RNF130: variants seen among roughly 807,000 people sequenced by gnomAD.
RNF130 encodes E3 ubiquitin-protein ligase RNF130.
Under a neutral mutation model 44.6 loss-of-function variants are expected in RNF130, and 21 were observed. The observed-to-expected ratio is 0.47, with a 90% CI of 0.33 to 0.68. The LOEUF (loss-of-function observed/expected upper bound fraction) is 0.68, where lower values mean the gene tolerates loss of function less well. Among genes scored for constraint, RNF130 ranks in the 30% least tolerant of loss-of-function variants. The pLI is 0.02. For missense variants in RNF130, 479 were observed against 560.6 expected (o/e 0.85, Z 1.47); for synonymous variants, 214 against 210.4 (o/e 1.02, Z -0.15).
intron 7 of RNF130, among the ~76,000 whole-genome samples, chr5:179,943,032 TAA>T (rs892914025): frequency 2.6e-5 from 4 of 152,116 alleles, no homozygotes; most frequent in African/African-American, 9.7e-5. Flanking sequence ...CCGTCTCTAC[TAA>T]AAACACAAAA....
chr5:179,994,582 A>G (rs753105910), intron 3 of RNF130, among the ~76,000 whole-genome samples: 6 of 152,112 alleles, frequency 3.9e-5, no homozygotes, highest in Non-Finnish European at 7.4e-5. Context: ...AGTAGCAAAT[A>G]TTCTAGGATT....
intron 2 of RNF130, among the ~76,000 whole-genome samples, chr5:180,016,024 C>A (rs973504590): frequency 7.9e-5 from 12 of 152,156 alleles, no homozygotes; most frequent in African/African-American, 2.7e-4. Context: ...AAAGGGGGAA[C>A]CTTTTGGACT....
At chr5:179,999,954 T>C (rs1763296921) in intron 3 of RNF130, among the ~76,000 whole-genome samples, 1 of 152,200 alleles carries the variant, frequency 6.6e-6, no homozygotes, top group Admixed American at 6.5e-5. Context: ...TTGTTTATCA[T>C]TAAGGTTTGG....
chr5:180,032,902 A>AT (rs908359357), intron 2 of RNF130, among the ~76,000 whole-genome samples: 1 of 152,184 alleles, frequency 6.6e-6, no homozygotes, highest in African/African-American at 2.4e-5. Flanking sequence ...TTATATATCC[A>AT]TTTTAAGATA....
chr5:179,969,301 T>C (rs1762529818), intron 6 of RNF130, among the ~76,000 whole-genome samples: 1 of 151,972 alleles, frequency 6.6e-6, no homozygotes, highest in African/African-American at 2.4e-5. Flanking sequence ...CCTGCCAGGC[T>C]GTGGTTGTCA....
At chr5:179,996,091 A>G (rs1414017350) in intron 3 of RNF130, among the ~76,000 whole-genome samples, 1 of 152,222 alleles carries the variant, frequency 6.6e-6, no homozygotes, top group Non-Finnish European at 1.5e-5. Flanking sequence ...ATTCCTATCC[A>G]TGAACATGGG....
intron 1 of RNF130, among the ~76,000 whole-genome samples, chr5:180,058,231 AT>A (rs1764884305): frequency 6.6e-6 from 1 of 152,182 alleles, no homozygotes; most frequent in South Asian, 2.1e-4. Flanking sequence ...CACTAGGTTC[AT>A]GGCTACATCA....
intron 1 of RNF130, among the ~76,000 whole-genome samples, chr5:180,071,017 C>T (rs1160266976): frequency 1.3e-5 from 2 of 149,546 alleles, no homozygotes; most frequent in Non-Finnish European, 3.0e-5. Flanking sequence ...AAAAACGGCA[C>T]GTTTTTATAT....
intron 7 of RNF130, among the ~76,000 whole-genome samples, chr5:179,920,795 A>ATTT (rs71959214): frequency 5.8e-4 from 83 of 143,420 alleles, no homozygotes; most frequent in African/African-American, 8.5e-4. Context: ...ATATATATAT[A>ATTT]TTTTTTTTTT....
At chr5:179,963,881 AT>A (rs900271651) in intron 7 of RNF130, 42 of 294,334 alleles carry the variant, frequency 1.4e-4, no homozygotes, top group Non-Finnish European at 2.4e-4. Context: ...AAGGACATAG[AT>A]TTTTTTCATT....
chr5:180,045,424 T>G (rs907644097), intron 1 of RNF130, among the ~76,000 whole-genome samples: 1 of 152,152 alleles, frequency 6.6e-6, no homozygotes, highest in South Asian at 2.1e-4. Context: ...ACCTTCTCAG[T>G]GAGTGTTACA....
At position 179,922,899 on chromosome 5, in the gene RNF130, C is replaced by T. The variant is rs143288630; in HGVS notation, c.1151-2473G>A. 2.7e-4 allele frequency among the ~76,000 whole-genome samples: 41 copies of T among 152,076 alleles called. 1 individual carries two copies. The highest frequency in any genetic ancestry group is 8.4e-4 in the African/African-American group (35 of 41,516). ...CAGTGAGCCGAGACTACACTACTGC[C>T]CTCCAGCCTGTGCTACAGAAAAAAA... is the stretch of plus-strand genomic sequence containing the variant. On this transcript the variant is annotated intron_variant, in intron 7 of 7. Coordinates refer to the RNF130 transcript ENST00000522208.
At chr5:180,069,430 C>G (rs536028903) in intron 1 of RNF130, among the ~76,000 whole-genome samples, 4 of 147,538 alleles carry the variant, frequency 2.7e-5, no homozygotes, top group Non-Finnish European at 6.0e-5. Context: ...CCCGAGAAAA[C>G]CTGGAGCAAG....
intron 1 of RNF130, among the ~76,000 whole-genome samples, chr5:180,054,257 G>A (rs1764754120): frequency 6.6e-6 from 1 of 152,126 alleles, no homozygotes; most frequent in Non-Finnish European, 1.5e-5. Context: ...TAACGACCCA[G>A]CTTTCTTTGT....
At chr5:180,012,687 C>T (rs756845556) in intron 3 of RNF130, among the ~76,000 whole-genome samples, 53 of 152,164 alleles carry the variant, frequency 3.5e-4, no homozygotes, top group Non-Finnish European at 6.0e-4. Context: ...AAGAATTTCA[C>T]ATAGGAAGGG....
intron 7 of RNF130, among the ~76,000 whole-genome samples, chr5:179,948,531 C>T (rs1180517073): frequency 2.0e-5 from 3 of 152,002 alleles, no homozygotes; most frequent in African/African-American, 7.3e-5. Context: ...ATTAGCCAGG[C>T]ATGGTGGCAG....
rs1230826758 is a variant in RNF130 at position 179,946,614 on chromosome 5, T to C, written c.1150+20192A>G. On this transcript the variant is annotated intron_variant, in intron 7 of 7. Transcript: ENST00000522208. ...TGTCGCCCAGGCTGGAGTGCAGTGG[T>C]GTGATCTTGGCTCACTGCAAGCTCC... is the stretch of plus-strand genomic sequence containing the variant. Among the ~76,000 whole-genome samples, 577 of 150,598 alleles carry C rather than the reference T, an allele frequency of 3.8e-3. 5 individuals carry two copies. The highest frequency in any genetic ancestry group is 0.013 in the African/African-American group (512 of 40,760).
chr5:180,071,629 G>A lies in RNF130; in HGVS notation c.74C>T (p.Ala25Val), dbSNP rs1381934458. 3 of 1,499,998 alleles carry A rather than the reference G, an allele frequency of 2.0e-6. No homozygotes were observed. The highest frequency in any genetic ancestry group is 2.5e-5 in the South Asian group (2 of 79,196). The allele number at this position is 1,499,998 out of a possible 1,614,324, so 92.9% of individuals were successfully genotyped here. The change falls in exon 1 of 9, where the codon GCA becomes GTA. Residue 25 changes from alanine to valine, a missense_variant. Coordinates refer to ENST00000521389, the MANE Select transcript of RNF130 (RefSeq NM_018434.6). ...CTCCTGGCTCGCGTTGTCTGCCCGT[G>A]CCGGCCACAGGCTGCAGGTCAGCAG... ...LALLTCSLWP[A>V]RADNASQEYY...
chr5:180,037,521 T>C (rs1202965501), intron 2 of RNF130, among the ~76,000 whole-genome samples: 2 of 152,192 alleles, frequency 1.3e-5, no homozygotes, highest in Non-Finnish European at 2.9e-5. Flanking sequence ...AAACTAGGTT[T>C]CCCTTCTTCA....
Sources: allele counts gnomAD v4.1 joint callset (sites outside exome capture counted in the v4.1 genomes callset), GRCh38; gene constraint gnomAD v4.1.1; transcripts MANE v1.5; gene names NCBI Gene and HGNC (gene_info 2026-07-23, HGNC 2026-07-21).